PPP1R1C: variants seen among roughly 807,000 people sequenced by gnomAD.
The protein encoded by PPP1R1C is protein phosphatase 1 regulatory inhibitor subunit 1C.
In PPP1R1C, 15 loss-of-function variants were observed where a neutral mutation model predicts 17.4. That is an observed-to-expected ratio of 0.86 (90% CI 0.58 to 1.33). The LOEUF is 1.33. Ranked by LOEUF, PPP1R1C falls within the 40% of genes most tolerant of loss-of-function variation. The pLI is 0.00. For synonymous variants in PPP1R1C, 35 were observed against 43.1 expected (o/e 0.81, Z 0.73); for missense variants, 143 against 130.0 (o/e 1.10, Z -0.48).
intron 4 of PPP1R1C, among the ~76,000 whole-genome samples, chr2:182,075,858 C>A (rs556624734): frequency 3.5e-4 from 53 of 152,182 alleles, no homozygotes; most frequent in Non-Finnish European, 7.4e-5. Context: ...ATAAGCTTTG[C>A]CTCAACTTAC....
chr2:182,008,100 AT>A (rs1685984139), intron 2 of PPP1R1C, among the ~76,000 whole-genome samples: 1 of 151,330 alleles, frequency 6.6e-6, no homozygotes, highest in Non-Finnish European at 1.5e-5. Context: ...AAAAAATAAA[AT>A]AAAATGAAAT....
chr2:182,058,704 C>G (rs1355475030), intron 2 of PPP1R1C, among the ~76,000 whole-genome samples: 15 of 152,086 alleles, frequency 9.9e-5, no homozygotes, highest in Admixed American at 9.8e-4. Context: ...TCACGACAGA[C>G]AAATGGAAGA....
At chr2:182,050,045 T>C (rs1687464595) in intron 2 of PPP1R1C, among the ~76,000 whole-genome samples, 1 of 152,260 alleles carries the variant, frequency 6.6e-6, no homozygotes, top group African/African-American at 2.4e-5. Context: ...CTCTGCTCTC[T>C]GTAGTTTTCT....
chr2:181,989,888 A>C (rs959099781), intron 2 of PPP1R1C, among the ~76,000 whole-genome samples: 1 of 152,206 alleles, frequency 6.6e-6, no homozygotes, highest in Non-Finnish European at 1.5e-5. Context: ...TAGGACTTGG[A>C]TAAGTGTGCA....
chr2:182,108,660 T>G (rs1468762249), intron 4 of PPP1R1C, among the ~76,000 whole-genome samples: 1 of 152,198 alleles, frequency 6.6e-6, no homozygotes, highest in Non-Finnish European at 1.5e-5. Context: ...ATCTAAATCT[T>G]CCCCATCTTA....
intron 4 of PPP1R1C, among the ~76,000 whole-genome samples, chr2:182,093,472 A>G (rs1688846538): frequency 6.6e-6 from 1 of 152,174 alleles, no homozygotes; most frequent in African/African-American, 2.4e-5. Context: ...CTCGTTACTT[A>G]TGCAAATTTC....
rs140589503 is a variant in PPP1R1C, at chr2:182,092,974, G to A, written c.242-24233G>A. 2.4e-3 allele frequency among the ~76,000 whole-genome samples: 361 copies of A among 152,288 alleles called. 4 individuals are homozygous for A. Among genetic ancestry groups the A allele is most frequent in the Admixed American group, 0.017 (263 of 15,300 alleles). On this transcript the variant is annotated intron_variant, in intron 4 of 4. Coordinates refer to ENST00000682840, the MANE Select transcript of PPP1R1C (RefSeq NM_001080545.3). Reference sequence around the variant, plus strand: ...GAAGGACGGTGGCCCTCTTCTGACAGCTCCACTAGTTGATGCCCCAGCAGG... The same window carrying A: ...GAAGGACGGTGGCCCTCTTCTGACAACTCCACTAGTTGATGCCCCAGCAGG...
In PPP1R1C at chr2:181,967,766, A is replaced by C. The variant is rs1684929388; in HGVS notation, n.112-7453A>C. Among the ~76,000 whole-genome samples, 1 of 150,844 alleles carries C rather than the reference A, an allele frequency of 6.6e-6. No homozygotes were observed. The highest frequency in any genetic ancestry group is 2.1e-4 in the South Asian group (1 of 4,788). Reference sequence around the variant, plus strand: ...GTTTCACTCTTGTTGCCCAGGCTGGAGTGCAATGGCACATTCTTGGCTCAC... The same window carrying C: ...GTTTCACTCTTGTTGCCCAGGCTGGCGTGCAATGGCACATTCTTGGCTCAC... On this transcript the variant is annotated intron_variant and non_coding_transcript_variant, in intron 1 of 5. Coordinates refer to the PPP1R1C transcript ENST00000464264. This position sits in a 1 kb window ranked among gnomAD's most constrained non-coding sequence, Gnocchi z 5.5.
At chr2:182,093,000 G>T (rs941848254) in intron 4 of PPP1R1C, among the ~76,000 whole-genome samples, 2 of 152,164 alleles carry the variant, frequency 1.3e-5, no homozygotes. Context: ...CCCCAGCAGG[G>T]ACTCTTTGTG....
Position 182,083,013 on chromosome 2 carries a change from A to G in PPP1R1C, c.241+19222A>G, listed in dbSNP as rs1277726706. On this transcript the variant is annotated intron_variant, in intron 4 of 4. Coordinates refer to ENST00000682840, the MANE Select transcript of PPP1R1C (RefSeq NM_001080545.3). ...TGTATACTCAGAAAAGCCTTGGAAC[A>G]TGACCAGAGCATAATAGATTCTTAA... 2.6e-5 allele frequency among the ~76,000 whole-genome samples: 4 copies of G among 152,294 alleles called. No homozygotes were observed. The East Asian group carries it at 5.8e-4, about 22-fold the overall frequency.
chr2:182,083,754 G>T (rs764298907), intron 4 of PPP1R1C, among the ~76,000 whole-genome samples: 28 of 151,992 alleles, frequency 1.8e-4, no homozygotes, highest in Non-Finnish European at 3.5e-4. Context: ...TTGCTATAAT[G>T]ACTTCTTTTC....
intron 2 of PPP1R1C, among the ~76,000 whole-genome samples, chr2:182,017,292 T>C (rs1681825002): frequency 6.6e-6 from 1 of 152,130 alleles, no homozygotes; most frequent in African/African-American, 2.4e-5. Flanking sequence ...GAGTTATTAA[T>C]TTATATTGGG....
intron 1 of PPP1R1C, among the ~76,000 whole-genome samples, chr2:181,968,758 T>A (rs1487347546): frequency 6.6e-6 from 1 of 152,148 alleles, no homozygotes; most frequent in Admixed American, 6.5e-5. Flanking sequence ...GGTTGTTTTG[T>A]GGTCTTCTCC....
At chr2:182,041,044 G>A (rs894577169) in intron 2 of PPP1R1C, among the ~76,000 whole-genome samples, 6 of 152,018 alleles carry the variant, frequency 3.9e-5, no homozygotes, top group African/African-American at 1.5e-4. Context: ...TGTTGTTTTG[G>A]TAGCTATAGC....
intron 4 of PPP1R1C, among the ~76,000 whole-genome samples, chr2:182,067,913 G>A (rs553688390): frequency 9.2e-5 from 14 of 152,100 alleles, no homozygotes; most frequent in Non-Finnish European, 2.1e-4. Flanking sequence ...TAATTGAATG[G>A]CAATTTAATT....
At chr2:182,128,640 G>A (rs1689933598) in intron 5 of PPP1R1C, among the ~76,000 whole-genome samples, 1 of 81,216 alleles carries the variant, frequency 1.2e-5, no homozygotes. Context: ...GCATATGTAT[G>A]TACGTATGTA....
At chr2:182,050,897 A>G (rs777898849) in intron 2 of PPP1R1C, among the ~76,000 whole-genome samples, 4 of 152,194 alleles carry the variant, frequency 2.6e-5, no homozygotes, top group Non-Finnish European at 5.9e-5. Context: ...TTGTACTACA[A>G]TTTCATCCAG....
chr2:181,975,797 T>A, intron 2 of PPP1R1C, among the ~76,000 whole-genome samples: 1 of 151,966 alleles, frequency 6.6e-6, no homozygotes, highest in East Asian at 1.9e-4. Flanking sequence ...TATAGGTAAA[T>A]GTAAGAATGT....
At chr2:181,965,967 C>T (rs1684898223) in intron 1 of PPP1R1C, among the ~76,000 whole-genome samples, 1 of 152,014 alleles carries the variant, frequency 6.6e-6, no homozygotes, top group Admixed American at 6.6e-5. Context: ...TTCATTTCCT[C>T]TTTATTTTAT....
Sources: gnomAD v4.1 joint callset for allele counts (sites outside exome capture counted in the v4.1 genomes callset) on GRCh38, gnomAD v4.1.1 for gene constraint, Gnocchi (gnomAD v3.1) non-coding constraint, MANE v1.5 for transcripts, NCBI Gene and HGNC (gene_info 2026-07-23, HGNC 2026-07-21) for gene names.